Variants in FHIT observed in about 807,000 individuals in gnomAD.
The protein encoded by FHIT is bis(5'-adenosyl)-triphosphatase.
A neutral mutation model predicts 17.9 loss-of-function variants in FHIT; 19 were observed. The ratio of observed to expected loss-of-function variants is 1.06; its 90% CI spans 0.74 to 1.56. The LOEUF (loss-of-function observed/expected upper bound fraction) is 1.56. FHIT is among the 40% of genes most tolerant of loss of function. FHIT has a pLI of 0.00. For synonymous variants in FHIT, 81 were observed against 69.7 expected (o/e 1.16, Z -0.81); for missense variants, 248 against 189.2 (o/e 1.31, Z -1.82).
intron 5 of FHIT, among the ~76,000 whole-genome samples, chr3:60,373,627 T>A (rs1320974254): frequency 6.6e-6 from 1 of 152,070 alleles, no homozygotes; most frequent in Non-Finnish European, 1.5e-5. Flanking sequence ...AGCAGACTCA[T>A]CTTGGTGGTA....
chr3:60,531,520 C>T (rs1431355209), intron 5 of FHIT, among the ~76,000 whole-genome samples: 9 of 151,984 alleles, frequency 5.9e-5, no homozygotes, highest in African/African-American at 2.2e-4. Context: ...CCTCGTGATC[C>T]GCCCGCCTCG....
intron 8 of FHIT, among the ~76,000 whole-genome samples, chr3:59,791,261 T>C (rs9809345): frequency 0.03 from 4,601 of 152,256 alleles, 241 homozygotes; most frequent in African/African-American, 0.1. Flanking sequence ...GCAATGATCC[T>C]GTAGCTTAAC....
chr3:60,363,152 A>G (rs569408034), intron 5 of FHIT, among the ~76,000 whole-genome samples: 1 of 152,158 alleles, frequency 6.6e-6, no homozygotes, highest in Non-Finnish European at 1.5e-5. Context: ...TGCAGAAAAC[A>G]AGCTCCTTTT....
In FHIT at chr3:60,385,874, G is replaced by C. The variant is rs1409756289; in HGVS notation, c.103+150986C>G. ...ATGACATATGTGAGCCACTGTGCCTGGTCCATATAAGATTTTAGAGTATTA... is the reference window on the plus strand; with the variant it reads ...ATGACATATGTGAGCCACTGTGCCTCGTCCATATAAGATTTTAGAGTATTA... On this transcript the variant is annotated intron_variant, in intron 5 of 9. Transcript: ENST00000492590. Among the ~76,000 whole-genome samples, 3 of 152,058 alleles carry C rather than the reference G, an allele frequency of 2.0e-5. No homozygotes were observed. In the South Asian group the frequency reaches 6.2e-4, roughly 32 times the overall value.
intron 5 of FHIT, among the ~76,000 whole-genome samples, chr3:60,436,831 T>A (rs1007054575): frequency 6.6e-6 from 1 of 152,158 alleles, no homozygotes; most frequent in African/African-American, 2.4e-5. Context: ...AAGTATGGAT[T>A]TTTAAAATGA....
chr3:60,509,253 G>C (rs1024368841), intron 5 of FHIT, among the ~76,000 whole-genome samples: 1 of 152,188 alleles, frequency 6.6e-6, no homozygotes, highest in Non-Finnish European at 1.5e-5. Flanking sequence ...TGAGGAGACT[G>C]TCATTACCGC....
chr3:60,285,424 G>A (rs1707678599), intron 5 of FHIT, among the ~76,000 whole-genome samples: 3 of 152,110 alleles, frequency 2.0e-5, no homozygotes. Flanking sequence ...TAGAATGAGT[G>A]AGATAAATAA....
intron 2 of FHIT, among the ~76,000 whole-genome samples, chr3:61,133,893 C>T (rs545068291): frequency 6.6e-6 from 1 of 152,106 alleles, no homozygotes; most frequent in South Asian, 2.1e-4. Flanking sequence ...TCAAGACCAG[C>T]CTAGCTAACA....
intron 7 of FHIT, among the ~76,000 whole-genome samples, chr3:59,998,529 T>C (rs537785244): frequency 1.3e-5 from 2 of 152,212 alleles, no homozygotes; most frequent in African/African-American, 4.8e-5. Flanking sequence ...TTTAGAGAGA[T>C]TCATTTACTA....
chr3:60,856,145 G>A (rs4974235), intron 3 of FHIT, among the ~76,000 whole-genome samples: 98,987 of 152,018 alleles, frequency 0.65, 36,363 homozygotes, highest in East Asian at 1. Context: ...AACGTTCAGA[G>A]GCCATCAACC....
intron 4 of FHIT, among the ~76,000 whole-genome samples, chr3:60,584,287 T>C (rs930715817): frequency 6.6e-6 from 1 of 151,984 alleles, no homozygotes; most frequent in Non-Finnish European, 1.5e-5. Context: ...TGTTACAAAT[T>C]AGGCTTTTTT....
intron 5 of FHIT, among the ~76,000 whole-genome samples, chr3:60,315,007 C>A (rs1000400126): frequency 4.6e-5 from 7 of 152,170 alleles, no homozygotes; most frequent in Non-Finnish European, 8.8e-5. Flanking sequence ...TCTTCAAACA[C>A]TAGCTTTCAA....
At chr3:59,873,209 GC>G (rs1232998813) in intron 8 of FHIT, among the ~76,000 whole-genome samples, 2 of 152,054 alleles carry the variant, frequency 1.3e-5, no homozygotes, top group African/African-American at 4.8e-5. Flanking sequence ...TTAAACCCAT[GC>G]CAAAATCACT....
intron 4 of FHIT, among the ~76,000 whole-genome samples, chr3:60,673,601 G>C (rs1401700545): frequency 6.6e-6 from 1 of 152,046 alleles, no homozygotes; most frequent in African/African-American, 2.4e-5. Flanking sequence ...GTGATGGTTT[G>C]ATAGGTACAG....
intron 8 of FHIT, among the ~76,000 whole-genome samples, chr3:59,912,974 G>T (rs1260569403): frequency 6.6e-6 from 1 of 152,176 alleles, no homozygotes; most frequent in Non-Finnish European, 1.5e-5. Context: ...GATGACCTTG[G>T]GAATTTTAGA....
At chr3:60,362,593 T>C (rs1699948804) in intron 5 of FHIT, among the ~76,000 whole-genome samples, 1 of 152,222 alleles carries the variant, frequency 6.6e-6, no homozygotes, top group African/African-American at 2.4e-5. Context: ...GCAAATTAAA[T>C]CATCAACATG....
chr3:60,368,438 A>G (rs1700197013), intron 5 of FHIT, among the ~76,000 whole-genome samples: 1 of 151,836 alleles, frequency 6.6e-6, no homozygotes, highest in African/African-American at 2.4e-5. Flanking sequence ...AAAAACATAT[A>G]TATAAATATA....
intron 4 of FHIT, among the ~76,000 whole-genome samples, chr3:60,698,769 C>T (rs571173977): frequency 6.6e-6 from 1 of 151,902 alleles, no homozygotes; most frequent in Non-Finnish European, 1.5e-5. Flanking sequence ...CAGTTTGGTC[C>T]TTTGTGTGCT....
At chr3:60,149,730 G>T (rs1020138621) in intron 5 of FHIT, among the ~76,000 whole-genome samples, 3 of 151,810 alleles carry the variant, frequency 2.0e-5, no homozygotes, top group African/African-American at 7.3e-5. Flanking sequence ...TAGACATGAA[G>T]AATGTGCCTC....
Sources: gnomAD v4.1 joint callset for allele counts (sites outside exome capture counted in the v4.1 genomes callset) on GRCh38, gnomAD v4.1.1 for gene constraint, MANE v1.5 for transcripts, NCBI Gene and HGNC (gene_info 2026-07-23, HGNC 2026-07-21) for gene names.